Variants in KCNC2 observed in about 807,000 individuals in gnomAD.
The protein encoded by KCNC2 is voltage-gated potassium channel KCNC2.
In KCNC2, 21 loss-of-function variants were observed where a neutral mutation model predicts 44.5. The observed-to-expected ratio is 0.47, with a 90% confidence interval of 0.33 to 0.68. The LOEUF (loss-of-function observed/expected upper bound fraction) is 0.68. Ranked by LOEUF, KCNC2 falls within the 30% of genes least tolerant of loss-of-function variation. KCNC2 has a pLI of 0.01. For synonymous variants in KCNC2, 391 were observed against 339.1 expected (o/e 1.15, Z -1.68); for missense variants, 589 against 826.2 (o/e 0.71, Z 3.52).
chr12:75,087,756 C>T (rs1043879017), intron 2 of KCNC2, among the ~76,000 whole-genome samples: 6 of 152,018 alleles, frequency 3.9e-5, no homozygotes, highest in African/African-American at 1.4e-4. Flanking sequence ...AGAGGCCAGG[C>T]CTGAGAACAT....
intron 2 of KCNC2, among the ~76,000 whole-genome samples, chr12:75,156,458 G>A (rs957767278): frequency 6.6e-6 from 1 of 151,708 alleles, no homozygotes; most frequent in East Asian, 1.9e-4. Flanking sequence ...TAGTAGAATT[G>A]CATATGCCTC....
At chr12:75,065,554 C>G (rs939877245) in intron 2 of KCNC2, among the ~76,000 whole-genome samples, 2 of 151,976 alleles carry the variant, frequency 1.3e-5, no homozygotes, top group East Asian at 1.9e-4. Context: ...TTAACTGTAC[C>G]TTTTCTATGT....
At chr12:75,179,887 A>C (rs1892462119) in intron 2 of KCNC2, among the ~76,000 whole-genome samples, 1 of 151,734 alleles carries the variant, frequency 6.6e-6, no homozygotes, top group Non-Finnish European at 1.5e-5. Flanking sequence ...TCTTCAACTT[A>C]GCATTCCGTA....
chr12:75,202,281 C>T (rs911265426), intron 2 of KCNC2, among the ~76,000 whole-genome samples: 3 of 151,852 alleles, frequency 2.0e-5, no homozygotes, highest in Non-Finnish European at 3.0e-5. Flanking sequence ...AATCAGGCCA[C>T]CTCATATGTA....
At chr12:75,072,287 A>G (rs1883497890) in intron 2 of KCNC2, among the ~76,000 whole-genome samples, 1 of 152,184 alleles carries the variant, frequency 6.6e-6, no homozygotes, top group Non-Finnish European at 1.5e-5. Flanking sequence ...GTGTGAAGAC[A>G]AATGTGATAT....
chr12:75,094,744 C>T (rs193207454), intron 2 of KCNC2, among the ~76,000 whole-genome samples: 1 of 151,790 alleles, frequency 6.6e-6, no homozygotes, highest in East Asian at 1.9e-4. Context: ...GATTAATTAG[C>T]TACATCTGTC....
chr12:75,046,587 A>G (rs1423323980), intron 4 of KCNC2, among the ~76,000 whole-genome samples: 3 of 151,838 alleles, frequency 2.0e-5, no homozygotes, highest in Non-Finnish European at 2.9e-5. Flanking sequence ...AGCATGTTCT[A>G]TATAAAATAT....
chr12:75,120,862 T>C (rs995217011), intron 2 of KCNC2, among the ~76,000 whole-genome samples: 1 of 152,184 alleles, frequency 6.6e-6, no homozygotes, highest in African/African-American at 2.4e-5. Context: ...TTGCAATACT[T>C]TTTCCTTAAG....
intron 2 of KCNC2, among the ~76,000 whole-genome samples, chr12:75,085,999 C>T (rs546577505): frequency 3.7e-4 from 56 of 151,944 alleles, no homozygotes; most frequent in African/African-American, 1.3e-3. Flanking sequence ...GAAAGTCGGA[C>T]CTATGCCCTT....
chr12:75,085,204 A>G (rs942322559), intron 2 of KCNC2, among the ~76,000 whole-genome samples: 1 of 151,998 alleles, frequency 6.6e-6, no homozygotes, highest in Non-Finnish European at 1.5e-5. Flanking sequence ...ATTGTATTTC[A>G]TGTCTAAATT....
At chr12:75,191,176 C>G in intron 2 of KCNC2, among the ~76,000 whole-genome samples, 1 of 151,714 alleles carries the variant, frequency 6.6e-6, no homozygotes, top group East Asian at 1.9e-4. Context: ...TATAAAATTA[C>G]TTTTTGAGAT....
Position 75,042,221 on chromosome 12 carries a change from A to G in KCNC2, c.*884T>C. The G allele has an allele frequency of 2.1e-6, 3 of 1,408,354 alleles. No individual in the cohort carries two copies. Among genetic ancestry groups the G allele is most frequent in the South Asian group, 3.5e-5 (2 of 57,218 alleles). 87.2% of individuals were successfully genotyped at this position (1,408,354 alleles called of 1,614,324 possible). On this transcript the variant is annotated 3_prime_UTR_variant, in exon 5 of 5. Coordinates refer to ENST00000549446, the MANE Select transcript of KCNC2 (RefSeq NM_139137.4). ...AACCCTGGGTATTTTTTTTTTTTAAAGAGTCTAGAACCAAGCAGCAATTTC... is the reference window on the plus strand; with the variant it reads ...AACCCTGGGTATTTTTTTTTTTTAAGGAGTCTAGAACCAAGCAGCAATTTC...
intron 2 of KCNC2, among the ~76,000 whole-genome samples, chr12:75,090,373 TA>T (rs1346142917): frequency 2.6e-5 from 4 of 151,666 alleles, no homozygotes; most frequent in African/African-American, 7.2e-5. Context: ...TTACACCAGA[TA>T]TTTTTTTTCC....
At chr12:75,089,441 T>G (rs1208638208) in intron 2 of KCNC2, among the ~76,000 whole-genome samples, 1 of 151,902 alleles carries the variant, frequency 6.6e-6, no homozygotes, top group African/African-American at 2.4e-5. Context: ...AATTGGGCTC[T>G]TCTTTGAAAG....
chr12:75,049,602 G>T (rs12372316), intron 3 of KCNC2, among the ~76,000 whole-genome samples: 63,600 of 151,816 alleles, frequency 0.42, 16,529 homozygotes, highest in Non-Finnish European at 0.58. Context: ...CTAATCTCAA[G>T]CAGTAAATCA....
At chr12:75,154,714 A>G (rs1434221640) in intron 2 of KCNC2, among the ~76,000 whole-genome samples, 1 of 152,002 alleles carries the variant, frequency 6.6e-6, no homozygotes, top group South Asian at 2.1e-4. Flanking sequence ...AATAAGTAGG[A>G]AAGGAAAATC....
intron 2 of KCNC2, among the ~76,000 whole-genome samples, chr12:75,129,987 T>C (rs1203886887): frequency 6.6e-6 from 1 of 152,210 alleles, no homozygotes. Flanking sequence ...GTACCCATAA[T>C]ATGCCAGCCT....
intron 2 of KCNC2, among the ~76,000 whole-genome samples, chr12:75,129,975 T>C (rs1203744519): frequency 6.6e-6 from 1 of 152,206 alleles, no homozygotes; most frequent in Admixed American, 6.5e-5. Context: ...GAATTCTGTA[T>C]AGTACCCATA....
In KCNC2 at chr12:75,207,911, T is replaced by C; in HGVS notation, c.73A>G (p.Thr25Ala). The C allele has an allele frequency of 1.2e-6, 2 of 1,612,580 alleles. No homozygotes were observed. The highest frequency in any genetic ancestry group is 1.7e-6 in the Non-Finnish European group (2 of 1,179,868). ...CGTGTTCCAGGCAGGGTCTTGAGGG[T>C]GCTGCGGTAGGTTTCGTGCCGGGTG... Reference protein sequence around the residue: ...GGTRHETYRSTLKTLPGTRLA... With the variant: ...GGTRHETYRSALKTLPGTRLA... Residue 25 changes from threonine to alanine, a missense_variant, in exon 2 of 5, where the codon ACC (threonine) becomes GCC (alanine). This residue lies in a region of KCNC2 where 148 missense variants were observed against 140.1 expected (regional missense o/e 1.06). Coordinates refer to ENST00000549446, the MANE Select transcript of KCNC2 (RefSeq NM_139137.4). This position sits in a 1 kb window ranked among gnomAD's most constrained non-coding sequence, Gnocchi z 4.1.
Sources: allele counts gnomAD v4.1 joint callset (sites outside exome capture counted in the v4.1 genomes callset), GRCh38; gene constraint gnomAD v4.1.1; regional missense constraint gnomAD v4.1.1; non-coding constraint Gnocchi (gnomAD v3.1); transcripts MANE v1.5; gene names NCBI Gene and HGNC (gene_info 2026-07-23, HGNC 2026-07-21).